Variants in KCNN2 observed in about 807,000 individuals in gnomAD.
The protein encoded by KCNN2 is potassium calcium-activated channel subfamily N member 2, also known as small conductance calcium-activated potassium channel protein 2.
A neutral mutation model predicts 55.5 loss-of-function variants in KCNN2; 24 were observed. The ratio of observed to expected loss-of-function variants is 0.43; its 90% CI spans 0.31 to 0.61. The LOEUF is 0.61. Ranked by LOEUF, KCNN2 falls within the 20% of genes least tolerant of loss-of-function variation. KCNN2 has a pLI of 0.08. For missense variants in KCNN2, 754 were observed against 853.6 expected, an observed-to-expected ratio of 0.88 and a Z score of 1.45; for synonymous variants, 431 against 336.1, an observed-to-expected ratio of 1.28 and a Z score of -3.09.
chr5:114,179,274 C>T (rs1475239806), intron 1 of KCNN2, among the ~76,000 whole-genome samples: 1 of 152,178 alleles, frequency 6.6e-6, no homozygotes, highest in African/African-American at 2.4e-5. Flanking sequence ...TATTTGTAAG[C>T]TCACTCAAGT....
intron 3 of KCNN2, among the ~76,000 whole-genome samples, chr5:114,440,664 A>G (rs1760171399): frequency 8.7e-6 from 1 of 115,520 alleles, no homozygotes; most frequent in Non-Finnish European, 1.7e-5. Context: ...TACCTGCACT[A>G]CTCAGGGGAA....
rs56127808 is a variant in KCNN2 at position 114,065,846 on chromosome 5, GTTTTTT to G, written c.-271+9377_-271+9382del. Among the ~76,000 whole-genome samples, 29 of 45,240 alleles carry G rather than the reference GTTTTTT, an allele frequency of 6.4e-4. 1 individual carries two copies. Among genetic ancestry groups the G allele is most frequent in the South Asian group, 1.4e-3 (1 of 706 alleles). 29.7% of individuals were successfully genotyped at this position (45,240 alleles called of 152,430 possible). A position where few individuals can be genotyped will look rare whatever the true frequency, so the allele number is the denominator to read the frequency against. On this transcript the variant is annotated intron_variant, in intron 1 of 10. Transcript: ENST00000512097. Reference sequence around the variant, plus strand: ...AGCTTTTAGCTATTCTCCTATGCAGGTTTTTTTTTTTTTTTTTTTTTTTTTTTTTTT... The same window carrying G: ...AGCTTTTAGCTATTCTCCTATGCAGGTTTTTTTTTTTTTTTTTTTTTTTTT...
intron 2 of KCNN2, among the ~76,000 whole-genome samples, chr5:114,240,515 C>G (rs1462756690): frequency 6.6e-6 from 1 of 151,446 alleles, no homozygotes; most frequent in Non-Finnish European, 1.5e-5. Context: ...ACTTCAACCT[C>G]CACTTTCCCA....
intron 1 of KCNN2, among the ~76,000 whole-genome samples, chr5:114,164,455 G>A (rs1458595829): frequency 6.6e-6 from 1 of 152,068 alleles, no homozygotes; most frequent in Admixed American, 6.6e-5. Flanking sequence ...TTTTCATGCA[G>A]TTGGTAATTT....
At chr5:114,232,571 G>A (rs970968549) in intron 2 of KCNN2, among the ~76,000 whole-genome samples, 5 of 150,942 alleles carry the variant, frequency 3.3e-5, no homozygotes, top group Admixed American at 6.6e-5. Flanking sequence ...TGAGTACTTC[G>A]CAATATATCA....
At chr5:114,472,235 CTCG>C (rs1761777159) in intron 4 of KCNN2, among the ~76,000 whole-genome samples, 1 of 127,562 alleles carries the variant, frequency 7.8e-6, no homozygotes, top group Non-Finnish European at 1.9e-5. Context: ...CAAGTAGTTG[CTCG>C]TCTTTCAGCA....
intron 2 of KCNN2, among the ~76,000 whole-genome samples, chr5:114,304,363 C>G (rs550499788): frequency 6.6e-6 from 1 of 152,284 alleles, no homozygotes; most frequent in South Asian, 2.1e-4. Context: ...TTCTTTAGGC[C>G]TTTTGGCCCC....
chr5:114,101,796 G>T (rs540801842), intron 1 of KCNN2, among the ~76,000 whole-genome samples: 5 of 152,244 alleles, frequency 3.3e-5, no homozygotes, highest in African/African-American at 1.2e-4. Flanking sequence ...GTTTTCCGTG[G>T]TGTATATGTG....
chr5:114,173,334 T>A (rs1404091449), intron 1 of KCNN2, among the ~76,000 whole-genome samples: 1 of 151,946 alleles, frequency 6.6e-6, no homozygotes, highest in African/African-American at 2.4e-5. Context: ...TTACTGTAGC[T>A]CTGTAGTATA....
Position 114,363,057 on chromosome 5 carries a change from C to T in KCNN2, c.918C>T (p.Gly306=), listed in dbSNP as rs780183151. 2.5e-6 allele frequency: 4 copies of T among 1,607,194 alleles called. No homozygotes were observed. Among genetic ancestry groups the T allele is most frequent in the South Asian group, 1.1e-5 (1 of 90,820 alleles). The change falls in exon 1 of 8, where the codon GGC becomes GGT. Residue 306 remains glycine, a synonymous_variant. Transcript: ENST00000673685. ...GCGGAGGCAGCACTGGAGGAGGCGG[C>T]GGCGGTGGCGGGAGCGGGCACGGCA... is the stretch of plus-strand genomic sequence containing the variant. The part of the protein sequence containing the change: ...TGGGGSTGGG[G]GGGGSGHGSS...
At chr5:114,376,662 G>C (rs163305) in intron 2 of KCNN2, among the ~76,000 whole-genome samples, 28,762 of 152,152 alleles carry the variant, frequency 0.19, 3,413 homozygotes, top group East Asian at 0.59. Context: ...ATGATGACCT[G>C]TACATTCAGT....
chr5:114,082,226 A>G (rs866311856), intron 1 of KCNN2, among the ~76,000 whole-genome samples: 6 of 151,984 alleles, frequency 3.9e-5, no homozygotes, highest in Non-Finnish European at 8.8e-5. Context: ...TCAGAGGCTG[A>G]AATTGGAGGA....
At chr5:114,405,495 A>T (rs890616436) in intron 3 of KCNN2, among the ~76,000 whole-genome samples, 5 of 152,182 alleles carry the variant, frequency 3.3e-5, no homozygotes, top group Non-Finnish European at 5.9e-5. Flanking sequence ...TTAATCAGTT[A>T]TACGTTAATA....
chr5:114,429,796 G>T (rs1759736631), intron 3 of KCNN2, among the ~76,000 whole-genome samples: 1 of 141,672 alleles, frequency 7.1e-6, no homozygotes, highest in Non-Finnish European at 1.5e-5. Context: ...GGGTAGAAAG[G>T]TGTAAGGTCT....
intron 1 of KCNN2, among the ~76,000 whole-genome samples, chr5:114,171,171 G>T (rs974763945): frequency 6.6e-6 from 1 of 151,788 alleles, no homozygotes. Context: ...ATGTCTAAAA[G>T]TACCAAAGTA....
chr5:114,056,275 C>T (rs1447905835), exon 1 of KCNN2: 3 of 397,852 alleles, frequency 7.5e-6, no homozygotes, highest in Admixed American at 4.4e-5. Flanking sequence ...GGGCGCTCTC[C>T]CGGGCCGCAA....
intron 1 of KCNN2, among the ~76,000 whole-genome samples, chr5:114,072,083 G>A (rs1195460815): frequency 6.6e-6 from 1 of 152,044 alleles, no homozygotes; most frequent in African/African-American, 2.4e-5. Flanking sequence ...ACCTGAGGTC[G>A]GGAGTTCAAG....
chr5:114,224,030 A>G (rs1001129567), intron 2 of KCNN2, among the ~76,000 whole-genome samples: 1 of 152,192 alleles, frequency 6.6e-6, no homozygotes, highest in East Asian at 1.9e-4. Flanking sequence ...ACAGGAAACA[A>G]AACAGGAACA....
chr5:114,203,076 A>C (rs960654766), intron 1 of KCNN2, among the ~76,000 whole-genome samples: 1 of 152,168 alleles, frequency 6.6e-6, no homozygotes, highest in Non-Finnish European at 1.5e-5. Flanking sequence ...CTGCCATTCA[A>C]GGTTATTTTG....
Sources: allele counts gnomAD v4.1 joint callset (sites outside exome capture counted in the v4.1 genomes callset), GRCh38; gene constraint gnomAD v4.1.1; transcripts MANE v1.5; gene names NCBI Gene and HGNC (gene_info 2026-07-23, HGNC 2026-07-21).